MAPK10: variants seen among roughly 807,000 people sequenced by gnomAD.
MAPK10 encodes the protein JNK3 alpha protein kinase.
In MAPK10, 25 loss-of-function variants were observed where a neutral mutation model predicts 59.3. The observed-to-expected ratio is 0.42, with a 90% CI of 0.31 to 0.59. The LOEUF is 0.59. MAPK10 is among the 20% of genes least tolerant of loss of function. MAPK10 has a pLI of 0.15. For missense variants in MAPK10, 351 were observed against 568.9 expected, an observed-to-expected ratio of 0.62 and a Z score of 3.90; for synonymous variants, 190 against 200.5, an observed-to-expected ratio of 0.95 and a Z score of 0.44.
chr4:86,449,336 T>C (rs184410264), intron 1 of MAPK10, among the ~76,000 whole-genome samples: 1 of 152,318 alleles, frequency 6.6e-6, no homozygotes, highest in African/African-American at 2.4e-5. Context: ...CAAATGTCTT[T>C]ATGGTCATGA....
At chr4:86,027,051 C>T (rs570974348) in intron 13 of MAPK10, 1 of 152,280 alleles carries the variant, frequency 6.6e-6, no homozygotes, top group East Asian at 1.9e-4. Context: ...GAGTCAGCGC[C>T]AGCACATGGC....
At chr4:86,507,964 G>A (rs1283535507) in intron 1 of MAPK10, among the ~76,000 whole-genome samples, 2 of 151,566 alleles carry the variant, frequency 1.3e-5, no homozygotes, top group Non-Finnish European at 2.9e-5. Context: ...CCCAGCAATT[G>A]TCTGTCAGCC....
chr4:86,301,928 T>C (rs1164237246), intron 2 of MAPK10, among the ~76,000 whole-genome samples: 1 of 152,244 alleles, frequency 6.6e-6, no homozygotes, highest in Non-Finnish European at 1.5e-5. Flanking sequence ...TCGAATGCTT[T>C]ACTTTTTTTC....
chr4:86,395,590 G>C (rs375146123), intron 1 of MAPK10, among the ~76,000 whole-genome samples: 1 of 152,168 alleles, frequency 6.6e-6, no homozygotes. Flanking sequence ...GGTTGCCAGG[G>C]GAGTGGAGAT....
intron 9 of MAPK10, among the ~76,000 whole-genome samples, chr4:86,068,798 A>T (rs1236549874): frequency 6.6e-6 from 1 of 152,140 alleles, no homozygotes; most frequent in Non-Finnish European, 1.5e-5. Flanking sequence ...AATGATTGAG[A>T]TTCTCTTTTT....
Position 86,382,059 on chromosome 4 carries a change from A to C in MAPK10, c.-121-27415T>G, listed in dbSNP as rs182809064. ...GGGACAGGGCTATCCTGAGCACTGT[A>C]GAATGTTTAGCAAGAAGCATCCTGG... On this transcript the variant is annotated intron_variant, in intron 1 of 13. Transcript: ENST00000361569. 5.1e-4 allele frequency among the ~76,000 whole-genome samples: 77 copies of C among 152,258 alleles called. 1 individual carries two copies. Among genetic ancestry groups the C allele is most frequent in the African/African-American group, 1.7e-3 (72 of 41,538 alleles).
At chr4:86,310,792 G>GT (rs1356461001) in intron 2 of MAPK10, among the ~76,000 whole-genome samples, 2 of 152,016 alleles carry the variant, frequency 1.3e-5, no homozygotes, top group African/African-American at 2.4e-5. Context: ...TGATTTAGTG[G>GT]TTTTTTTCTT....
At chr4:86,077,393 T>G (rs899858720) in intron 9 of MAPK10, among the ~76,000 whole-genome samples, 6 of 152,238 alleles carry the variant, frequency 3.9e-5, no homozygotes, top group Middle Eastern at 3.2e-3. Context: ...GGGCAATTTT[T>G]GGGCCTCTCA....
intron 2 of MAPK10, among the ~76,000 whole-genome samples, chr4:86,198,388 C>T (rs901401890): frequency 6.6e-6 from 1 of 151,952 alleles, no homozygotes; most frequent in Admixed American, 6.6e-5. Context: ...AACTGGGGCC[C>T]GAGGAACTGA....
chr4:86,109,107 C>G (rs974193451), intron 4 of MAPK10, among the ~76,000 whole-genome samples: 2 of 152,182 alleles, frequency 1.3e-5, no homozygotes, highest in Non-Finnish European at 2.9e-5. Context: ...TAGTAACTCT[C>G]TCATTCATTC....
chr4:86,016,448 C>T lies in MAPK10; in HGVS notation c.*780G>A, dbSNP rs1743345637. 1 of 152,638 alleles carries T rather than the reference C, an allele frequency of 6.6e-6. No homozygotes were observed. Among genetic ancestry groups the T allele is most frequent in the African/African-American group, 2.4e-5 (1 of 41,432 alleles). 9.5% of individuals were successfully genotyped at this position (152,638 alleles called of 1,614,324 possible). A position where few individuals can be genotyped will look rare whatever the true frequency, so the allele number is the denominator to read the frequency against. ...TGTTACCCACTCGCCCCACACTTTA[C>T]ATAAGTATCACATATGTTCTTTCTA... On this transcript the variant is annotated 3_prime_UTR_variant, in exon 14 of 14. Coordinates refer to ENST00000641462, the MANE Select transcript of MAPK10 (RefSeq NM_138982.4).
At chr4:86,540,414 C>T (rs1174546298) in intron 1 of MAPK10, among the ~76,000 whole-genome samples, 1 of 152,118 alleles carries the variant, frequency 6.6e-6, no homozygotes, top group Non-Finnish European at 1.5e-5. Context: ...GTGGAAGGAT[C>T]GCTTGAGCCC....
chr4:86,294,144 C>T (rs999280524), intron 2 of MAPK10, among the ~76,000 whole-genome samples: 5 of 152,128 alleles, frequency 3.3e-5, no homozygotes, highest in African/African-American at 1.2e-4. Context: ...TATAGGAGCC[C>T]CCAGAGTTCC....
intron 9 of MAPK10, chr4:86,081,343 T>C (rs1339698911): frequency 6.6e-6 from 1 of 151,946 alleles, no homozygotes; most frequent in Non-Finnish European, 1.5e-5. Context: ...TCTTAAGACA[T>C]AAAACATATA....
chr4:86,404,112 G>C (rs990729513), intron 1 of MAPK10, among the ~76,000 whole-genome samples: 5 of 152,096 alleles, frequency 3.3e-5, no homozygotes, highest in Non-Finnish European at 7.4e-5. Flanking sequence ...CCCCAGATTA[G>C]AGCCTATATT....
At chr4:86,223,764 G>A (rs1450505127) in intron 2 of MAPK10, among the ~76,000 whole-genome samples, 1 of 152,028 alleles carries the variant, frequency 6.6e-6, no homozygotes, top group African/African-American at 2.4e-5. Context: ...ACAAGCCCTG[G>A]CCAATACATA....
chr4:86,227,048 C>G (rs1359712164), intron 2 of MAPK10, among the ~76,000 whole-genome samples: 1 of 152,034 alleles, frequency 6.6e-6, no homozygotes, highest in Non-Finnish European at 1.5e-5. Context: ...TTGTGAATGT[C>G]ACAATTTGTC....
chr4:86,365,703 C>A (rs1251291062), intron 1 of MAPK10, among the ~76,000 whole-genome samples: 2 of 151,964 alleles, frequency 1.3e-5, no homozygotes, highest in African/African-American at 2.4e-5. Context: ...AGCAGGTAAC[C>A]TCTGTTACAA....
intron 1 of MAPK10, among the ~76,000 whole-genome samples, chr4:86,494,007 T>C (rs2149076309): frequency 6.6e-6 from 1 of 152,274 alleles, no homozygotes; most frequent in South Asian, 2.1e-4. Context: ...TATGCTCCTA[T>C]ACCTTCAGCT....
Sources: gnomAD v4.1 joint callset for allele counts (sites outside exome capture counted in the v4.1 genomes callset) on GRCh38, gnomAD v4.1.1 for gene constraint, MANE v1.5 for transcripts, NCBI Gene and HGNC (gene_info 2026-07-23, HGNC 2026-07-21) for gene names.